The following OR52N5 variants were observed in gnomAD, a reference collection of about 807,000 sequenced individuals.
The protein encoded by OR52N5 is olfactory receptor 52N5.
In OR52N5, 10 loss-of-function variants were observed where a neutral mutation model predicts 14.1. The observed-to-expected ratio is 0.71, with a 90% CI of 0.44 to 1.20. OR52N5 has a LOEUF of 1.20. Among genes scored for constraint, OR52N5 ranks in the 50% most tolerant of loss-of-function variants. OR52N5 has a pLI of 0.00. For missense variants in OR52N5, 361 were observed against 403.2 expected, an observed-to-expected ratio of 0.90 and a Z score of 0.90; for synonymous variants, 116 against 143.0, an observed-to-expected ratio of 0.81 and a Z score of 1.35.
intron 1 of OR52N5, among the ~76,000 whole-genome samples, chr11:5,782,877 A>G (rs1387278717): frequency 7.2e-6 from 1 of 139,308 alleles, no homozygotes. Context: ...ACTTAAGAAA[A>G]GGGAGGGACT....
In OR52N5 at chr11:5,776,676, T is replaced by A. The variant is rs1262615994; in HGVS notation, c.*984A>T. 7 of 140,374 alleles carry A rather than the reference T, an allele frequency of 5.0e-5. No homozygotes were observed. Among genetic ancestry groups the A allele is most frequent in the Non-Finnish European group, 9.5e-5 (6 of 63,374 alleles). 8.7% of individuals were successfully genotyped at this position (140,374 alleles called of 1,614,324 possible). On this transcript the variant is annotated 3_prime_UTR_variant, in exon 3 of 3. Transcript: ENST00000641181. The stretch of plus-strand genomic sequence containing the variant: ...TAACTTTTGTCTTTCTGTGGCTGGC[T>A]TATTTCATTTAACATGCTAATTTCC...
Position 5,779,388 on chromosome 11 carries a change from C to A in OR52N5, c.-23-731G>T, listed in dbSNP as rs1435476552. ...AGGACTAATGACCATAAATGTCAAT[C>A]TGATTTGATGGTTACAAGAAGGAAG... On this transcript the variant is annotated intron_variant, in intron 2 of 2. Transcript: ENST00000641181. Among the ~76,000 whole-genome samples the A allele has an allele frequency of 4.3e-5, 6 of 139,696 alleles. 2 individuals carry two copies. Among genetic ancestry groups the A allele is most frequent in the Non-Finnish European group, 9.5e-5 (6 of 63,118 alleles). 91.6% of individuals were successfully genotyped at this position (139,696 alleles called of 152,430 possible). A position where few individuals can be genotyped will look rare whatever the true frequency, so the allele number is the denominator to read the frequency against.
At position 5,781,983 on chromosome 11, in the gene OR52N5, G is replaced by A. The variant is rs1398019377; in HGVS notation, c.-247-227C>T. ...ATAAAATCCTATCAGGCATCTGAAC[G>A]ACCTATCCTTGATTCTCTGGAGAGG... On this transcript the variant is annotated intron_variant, in intron 1 of 2. Coordinates refer to ENST00000641181, the MANE Select transcript of OR52N5 (RefSeq NM_001385662.1). 2.1e-5 allele frequency among the ~76,000 whole-genome samples: 3 copies of A among 140,256 alleles called. 1 individual carries two copies. The highest frequency in any genetic ancestry group is 4.7e-4 in the South Asian group (2 of 4,292). 92.0% of individuals were successfully genotyped at this position (140,256 alleles called of 152,430 possible).
At position 5,777,937 on chromosome 11, in the gene OR52N5, G is replaced by C. The variant is rs75104866; in HGVS notation, c.698C>G (p.Ala233Gly). ...ISLSYTLILK[A>G]AISLSSSDAR... Reference sequence around the variant, plus strand: ...ATCTGATGAAGAGAGGCTGATCGCTGCCTTGAGGATCAAAGTGTAAGACAA... The same window carrying C: ...ATCTGATGAAGAGAGGCTGATCGCTCCCTTGAGGATCAAAGTGTAAGACAA... Residue 233 changes from alanine to glycine, a missense_variant, in exon 3 of 3, where the codon GCA becomes GGA. Ala to Gly is a moderately conservative substitution (Grantham distance 60). Coordinates refer to ENST00000641181, the MANE Select transcript of OR52N5 (RefSeq NM_001385662.1). 1 of 1,521,384 alleles carries C rather than the reference G, an allele frequency of 6.6e-7. No individual in the cohort carries two copies. Among genetic ancestry groups the C allele is most frequent in the East Asian group, 2.3e-5 (1 of 42,856 alleles). 94.2% of individuals were successfully genotyped at this position (1,521,384 alleles called of 1,614,324 possible).
chr11:5,777,654 C>A lies in OR52N5; in HGVS notation c.*6G>T, dbSNP rs1854505613. On this transcript the variant is annotated 3_prime_UTR_variant, in exon 3 of 3. Coordinates refer to ENST00000641181, the MANE Select transcript of OR52N5 (RefSeq NM_001385662.1). The stretch of plus-strand genomic sequence containing the variant: ...CTTTCTTCCATCTGAATTAAGTTGC[C>A]TTGAATCAACCTGCACCCTTATCAC... 7.1e-7 allele frequency: 1 copy of A among 1,415,788 alleles called. No homozygotes were observed. The highest frequency in any genetic ancestry group is 9.4e-7 in the Non-Finnish European group (1 of 1,060,042). 87.7% of individuals were successfully genotyped at this position (1,415,788 alleles called of 1,614,324 possible).
In OR52N5 at chr11:5,777,720, C is replaced by T. The variant is rs1590351998; in HGVS notation, c.915G>A (p.Lys305=). 6.6e-7 allele frequency: 1 copy of T among 1,512,724 alleles called. No individual in the cohort carries two copies. Among genetic ancestry groups the T allele is most frequent in the Non-Finnish European group, 9.0e-7 (1 of 1,109,468 alleles). The allele number at this position is 1,512,724 out of a possible 1,614,324, so 93.7% of individuals were successfully genotyped here. A position where few individuals can be genotyped will look rare whatever the true frequency, so the allele number is the denominator to read the frequency against. ...TGACACTCTTGCGTATCTGTTTTGT[C>T]TTTACTCCATAAACAATAGGGTTTA... The part of the protein sequence containing the change: ...PTLNPIVYGV[K]TKQIRKSVIK... Residue 305 remains lysine, a synonymous_variant, in exon 3 of 3, where the codon AAG becomes AAA. Transcript: ENST00000641181.
intron 2 of OR52N5, among the ~76,000 whole-genome samples, chr11:5,779,058 G>T (rs986536118): frequency 1.4e-5 from 2 of 139,988 alleles, no homozygotes; most frequent in Non-Finnish European, 3.2e-5. Context: ...TGTGAAGCAC[G>T]GTCCAAAATT....
rs1854561691 is a variant in OR52N5, at chr11:5,783,208, G to A, written c.-248+87C>T. 1.4e-5 allele frequency: 2 copies of A among 139,110 alleles called. 1 individual carries two copies. The highest frequency in any genetic ancestry group is 5.3e-5 in the African/African-American group (2 of 37,984). 8.6% of individuals were successfully genotyped at this position (139,110 alleles called of 1,614,324 possible). On this transcript the variant is annotated intron_variant, in intron 1 of 2. Transcript: ENST00000641181. ...CCAACAACATTTTCTGCAAGTCAGT[G>A]TCTTTGATCCTTATGATGACACAAA...
chr11:5,777,935 C>T lies in OR52N5; in HGVS notation c.700G>A (p.Ala234Thr). 6.6e-7 allele frequency: 1 copy of T among 1,521,568 alleles called. No individual in the cohort carries two copies. Among genetic ancestry groups the T allele is most frequent in the Middle Eastern group, 1.8e-4 (1 of 5,478 alleles). The allele number at this position is 1,521,568 out of a possible 1,614,324, so 94.3% of individuals were successfully genotyped here. A position where few individuals can be genotyped will look rare whatever the true frequency, so the allele number is the denominator to read the frequency against. The change falls in exon 3 of 3, where the codon GCG becomes ACG. Residue 234 changes from alanine to threonine, a missense_variant. Coordinates refer to ENST00000641181, the MANE Select transcript of OR52N5 (RefSeq NM_001385662.1). ...GCATCTGATGAAGAGAGGCTGATCGCTGCCTTGAGGATCAAAGTGTAAGAC... is the reference window on the plus strand; with the variant it reads ...GCATCTGATGAAGAGAGGCTGATCGTTGCCTTGAGGATCAAAGTGTAAGAC... Reference protein sequence around the residue: ...SLSYTLILKAAISLSSSDARQ... With the variant: ...SLSYTLILKATISLSSSDARQ...
rs1854559396 is a variant in OR52N5 at position 5,782,904 on chromosome 11, G to C, written c.-248+391C>G. On this transcript the variant is annotated intron_variant, in intron 1 of 2. Transcript: ENST00000641181. ...GGAGGGACTGGGAAAGGATGGGCTA[G>C]TGACTTGAAGGGAAAAGTTTGTAGC... Among the ~76,000 whole-genome samples, 2 of 139,404 alleles carry C rather than the reference G, an allele frequency of 1.4e-5. 1 individual carries two copies. 91.5% of individuals were successfully genotyped at this position (139,404 alleles called of 152,430 possible).
At chr11:5,780,922 C>T (rs1430230791) in intron 2 of OR52N5, among the ~76,000 whole-genome samples, 2 of 140,150 alleles carry the variant, frequency 1.4e-5, no homozygotes, top group African/African-American at 5.2e-5. Flanking sequence ...ACTTAAATGC[C>T]TGATGCTTAT....
intron 2 of OR52N5, among the ~76,000 whole-genome samples, chr11:5,779,950 G>GA (rs1258160842): frequency 2.2e-5 from 3 of 138,692 alleles, no homozygotes; most frequent in Admixed American, 7.4e-5. Flanking sequence ...TCTATCTTCA[G>GA]AAAAAAAACT....
chr11:5,778,128 T>C lies in OR52N5; in HGVS notation c.507A>G (p.Pro169=), dbSNP rs139293237. 6.6e-7 allele frequency: 1 copy of C among 1,520,438 alleles called. No individual in the cohort carries two copies. The highest frequency in any genetic ancestry group is 1.4e-5 in the African/African-American group (1 of 69,772). The allele number at this position is 1,520,438 out of a possible 1,614,324, so 94.2% of individuals were successfully genotyped here. ...LRGVLLMIPF[P]FLVKRLPFCQ... is the part of the protein sequence containing the mutation. Reference sequence around the variant, plus strand: ...AGAAAGGCAAACGCTTAACCAAGAATGGGAAAGGAATCATCAGCAATACAC... The same window carrying C: ...AGAAAGGCAAACGCTTAACCAAGAACGGGAAAGGAATCATCAGCAATACAC... Residue 169 remains proline (P), a synonymous_variant, in exon 3 of 3, where the codon CCA becomes CCG. Transcript: ENST00000641181.
Position 5,783,270 on chromosome 11 carries a change from T to C in OR52N5, c.-248+25A>G, listed in dbSNP as rs977028023. ...AAGACAAGGCTTTGTCACACAATAA[T>C]GTCTGGAAGGCAGAAATCTCTTACC... On this transcript the variant is annotated intron_variant, in intron 1 of 2. Transcript: ENST00000641181. 1.4e-5 allele frequency: 2 copies of C among 139,970 alleles called. 1 individual carries two copies. Among genetic ancestry groups the C allele is most frequent in the African/African-American group, 5.2e-5 (2 of 38,170 alleles). 8.7% of individuals were successfully genotyped at this position (139,970 alleles called of 1,614,324 possible).
Position 5,776,740 on chromosome 11 carries a change from A to C in OR52N5, c.*920T>G, listed in dbSNP as rs1854496342. On this transcript the variant is annotated 3_prime_UTR_variant, in exon 3 of 3. Coordinates refer to ENST00000641181, the MANE Select transcript of OR52N5 (RefSeq NM_001385662.1). ...ATGCTGCAAATTACAGAATTTCATC[A>C]TTTTTTATGATGCCACATTTTCTTT... The C allele has an allele frequency of 7.1e-6, 1 of 140,450 alleles. No individual in the cohort carries two copies. The highest frequency in any genetic ancestry group is 2.3e-4 in the South Asian group (1 of 4,346). 8.7% of individuals were successfully genotyped at this position (140,450 alleles called of 1,614,324 possible).
At chr11:5,780,924 G>A (rs1854545491) in intron 2 of OR52N5, among the ~76,000 whole-genome samples, 1 of 140,250 alleles carries the variant, frequency 7.1e-6, no homozygotes, top group African/African-American at 2.6e-5. Context: ...TTAAATGCCT[G>A]ATGCTTATCT....
In OR52N5 at chr11:5,778,704, C is replaced by T. The variant is rs1196801791; in HGVS notation, c.-23-47G>A. The T allele has an allele frequency of 1.6e-5, 17 of 1,048,840 alleles. 4 individuals are homozygous for T. The highest frequency in any genetic ancestry group is 1.0e-4 in the East Asian group (4 of 39,582). 65.0% of individuals were successfully genotyped at this position (1,048,840 alleles called of 1,614,324 possible). Reference sequence around the variant, plus strand: ...ACAAATTTCATTCAAATTTTCCTTGCAAATACAAATTCAAATTTAGAATAA... The same window carrying T: ...ACAAATTTCATTCAAATTTTCCTTGTAAATACAAATTCAAATTTAGAATAA... On this transcript the variant is annotated intron_variant, in intron 2 of 2. Coordinates refer to ENST00000641181, the MANE Select transcript of OR52N5 (RefSeq NM_001385662.1).
rs1044727549 is a variant in OR52N5 at position 5,779,547 on chromosome 11, T to A, written c.-23-890A>T. Among the ~76,000 whole-genome samples, 12 of 139,782 alleles carry A rather than the reference T, an allele frequency of 8.6e-5. 2 individuals are homozygous for A. Among genetic ancestry groups the A allele is most frequent in the African/African-American group, 2.9e-4 (11 of 38,236 alleles). The allele number at this position is 139,782 out of a possible 152,430, so 91.7% of individuals were successfully genotyped here. A position where few individuals can be genotyped will look rare whatever the true frequency, so the allele number is the denominator to read the frequency against. On this transcript the variant is annotated intron_variant, in intron 2 of 2. Transcript: ENST00000641181. ...TATCTAGACTCTCACTTTATTCTCT[T>A]TTTGGGAAATGTTTTTACTCTTATG... is the stretch of plus-strand genomic sequence containing the variant.
rs541195050 is a variant in OR52N5 at position 5,778,638 on chromosome 11, A to C, written c.-4T>G. The C allele has an allele frequency of 2.2e-6, 3 of 1,394,884 alleles. No homozygotes were observed. The highest frequency in any genetic ancestry group is 2.9e-6 in the Non-Finnish European group (3 of 1,038,644). 86.4% of individuals were successfully genotyped at this position (1,394,884 alleles called of 1,614,324 possible). On this transcript the variant is annotated 5_prime_UTR_variant, in exon 3 of 3. It removes the in-frame stop codon of an upstream open reading frame in the 5' UTR. Transcript: ENST00000641181. ...ATAATGAATTAAATAGAGGCATTCT[A>C]TTTTTCCAGAAGTTTCATCCTGAAG... is the stretch of plus-strand genomic sequence containing the variant.
Sources: gnomAD v4.1 joint callset for allele counts (sites outside exome capture counted in the v4.1 genomes callset) on GRCh38, gnomAD v4.1.1 for gene constraint, MANE v1.5 for transcripts, NCBI Gene and HGNC (gene_info 2026-07-23, HGNC 2026-07-21) for gene names.